Variants in ETF1 observed in about 807,000 individuals in gnomAD.
ETF1 encodes the protein eukaryotic peptide chain release factor subunit 1.
A neutral mutation model predicts 55.1 loss-of-function variants in ETF1; 4 were observed. That is an observed-to-expected ratio of 0.07 (90% CI 0.04 to 0.17). The LOEUF (loss-of-function observed/expected upper bound fraction) is 0.17. Among genes scored for constraint, ETF1 ranks in the 10% least tolerant of loss-of-function variants. ETF1 has a pLI of 1.00. For missense variants in ETF1, 142 were observed against 523.6 expected, an observed-to-expected ratio of 0.27 and a Z score of 7.11; for synonymous variants, 157 against 182.3, an observed-to-expected ratio of 0.86 and a Z score of 1.12.
In ETF1 at chr5:138,543,135, C is replaced by CCGGCGGCGGCT; in HGVS notation, c.-68_-58dup. Reference sequence around the variant, plus strand: ...CCTGGGCGGCAGCGGCTGCTCCTCCCCGGCGGCGGCTCCGCGGCGGCGGCG... The same window carrying CCGGCGGCGGCT: ...CCTGGGCGGCAGCGGCTGCTCCTCCCCGGCGGCGGCTCGGCGGCGGCTCCGCGGCGGCGGCG... On this transcript the variant is annotated 5_prime_UTR_variant, in exon 1 of 11. The change abolishes the stop of an existing upstream ORF in the 5' untranslated region. Transcript: ENST00000360541. 1.7e-6 allele frequency: 1 copy of CCGGCGGCGGCT among 581,918 alleles called. No individual in the cohort carries two copies. The highest frequency in any genetic ancestry group is 3.0e-5 in the East Asian group (1 of 33,136). 36.0% of individuals were successfully genotyped at this position (581,918 alleles called of 1,614,324 possible). A position where few individuals can be genotyped will look rare whatever the true frequency, so the allele number is the denominator to read the frequency against.
intron 5 of ETF1, 98 bp from the exon 6 acceptor site, chr5:138,513,052 G>A: frequency 4.3e-6 from 6 of 1,401,876 alleles, no homozygotes; most frequent in Non-Finnish European, 4.6e-6. Context: ...TCTAAGAAAA[G>A]GACAAAGAAA....
intron 7 of ETF1, 85 bp from the exon 8 acceptor site, chr5:138,511,285 A>T: frequency 6.4e-7 from 1 of 1,552,510 alleles, no homozygotes. Context: ...ATGACTAAAG[A>T]AGATAAAAAA....
chr5:138,525,940 G>GT (rs199776340), intron 2 of ETF1, among the ~76,000 whole-genome samples: 4 of 35,476 alleles, frequency 1.1e-4, no homozygotes, highest in Middle Eastern at 0.018. Flanking sequence ...GTGAGACTCT[G>GT]TTTAAAAAAA....
chr5:138,511,512 G>C lies in ETF1; in HGVS notation c.825C>G (p.Leu275=). 6.2e-7 allele frequency: 1 copy of C among 1,613,682 alleles called. No individual in the cohort carries two copies. Among genetic ancestry groups the C allele is most frequent in the African/African-American group, 1.3e-5 (1 of 74,980 alleles). The change falls in exon 7 of 11, where the codon CTC becomes CTG. Residue 275 remains leucine, a synonymous_variant. Coordinates refer to ENST00000360541, the MANE Select transcript of ETF1 (RefSeq NM_004730.4). ...TCTCTTGAATGAATTTCACGTTGGAGAGGACTTCAGTAGATAACTCAATAG... is the reference window on the plus strand; with the variant it reads ...TCTCTTGAATGAATTTCACGTTGGACAGGACTTCAGTAGATAACTCAATAG... ...NQAIELSTEV[L]SNVKFIQEKK...
At chr5:138,530,730 T>C (rs1042646454) in intron 2 of ETF1, among the ~76,000 whole-genome samples, 1 of 151,626 alleles carries the variant, frequency 6.6e-6, no homozygotes, top group Non-Finnish European at 1.5e-5. Flanking sequence ...CGCGCCACAA[T>C]GCCTGGCTAT....
chr5:138,508,840 A>C (rs1399993958), intron 9 of ETF1, 24 bp from the exon 10 acceptor site: 2 of 1,609,020 alleles, frequency 1.2e-6, no homozygotes, highest in Non-Finnish European at 1.7e-6. Context: ...CATGAGATAC[A>C]AAAATGGGGG....
At chr5:138,542,402 G>A (rs1163746746) in intron 2 of ETF1, among the ~76,000 whole-genome samples, 1 of 152,148 alleles carries the variant, frequency 6.6e-6, no homozygotes, top group Non-Finnish European at 1.5e-5. Context: ...AGAAGGGAGA[G>A]GCCATTTTAA....
intron 4 of ETF1, chr5:138,513,991 GT>G: frequency 3.6e-6 from 3 of 831,522 alleles, no homozygotes; most frequent in Non-Finnish European, 4.4e-6. Flanking sequence ...GTATGCCCAT[GT>G]TTATAGCAAT....
chr5:138,509,532 T>C (rs1354080982), intron 9 of ETF1, among the ~76,000 whole-genome samples: 1 of 151,908 alleles, frequency 6.6e-6, no homozygotes, highest in African/African-American at 2.4e-5. Context: ...AAAACCAATG[T>C]AGGAGGATCA....
intron 4 of ETF1, among the ~76,000 whole-genome samples, chr5:138,514,519 G>C (rs1004136246): frequency 6.6e-6 from 1 of 152,110 alleles, no homozygotes; most frequent in Non-Finnish European, 1.5e-5. Flanking sequence ...CTCCAGCCTG[G>C]GTGATCCAGA....
intron 3 of ETF1, 23 bp downstream of exon 3, chr5:138,518,668 GA>G: frequency 6.2e-7 from 1 of 1,601,460 alleles, no homozygotes; most frequent in Non-Finnish European, 8.5e-7. Flanking sequence ...TGTAGAGAAG[GA>G]AAAGGAGCAA....
chr5:138,515,625 A>C (rs991122041), intron 4 of ETF1, among the ~76,000 whole-genome samples: 2 of 152,246 alleles, frequency 1.3e-5, no homozygotes, highest in Admixed American at 1.3e-4. Flanking sequence ...AAAATGTACA[A>C]AGTTAGCAAG....
intron 2 of ETF1, chr5:138,541,478 T>C (rs1174865320): frequency 7.2e-7 from 1 of 1,390,516 alleles, no homozygotes; most frequent in South Asian, 1.2e-5. Context: ...CAAACAGAAC[T>C]GTCCCTAATT....
At chr5:138,527,960 C>T (rs906972839) in intron 2 of ETF1, among the ~76,000 whole-genome samples, 3 of 151,892 alleles carry the variant, frequency 2.0e-5, no homozygotes, top group Admixed American at 1.3e-4. Flanking sequence ...TTAGTAGAGA[C>T]GGGGTTTCTC....
At chr5:138,522,290 C>T (rs1470909950) in intron 2 of ETF1, among the ~76,000 whole-genome samples, 1 of 151,990 alleles carries the variant, frequency 6.6e-6, no homozygotes, top group African/African-American at 2.4e-5. Flanking sequence ...TATGTAAAAA[C>T]TCATAATTCA....
chr5:138,530,341 T>A (rs556392703), intron 2 of ETF1, among the ~76,000 whole-genome samples: 7 of 151,870 alleles, frequency 4.6e-5, no homozygotes, highest in African/African-American at 1.7e-4. Flanking sequence ...TGCAGTGGTG[T>A]GATCTCGGCT....
intron 2 of ETF1, among the ~76,000 whole-genome samples, chr5:138,521,017 C>T (rs552207852): frequency 5.9e-5 from 9 of 152,098 alleles, no homozygotes; most frequent in South Asian, 4.2e-4. Context: ...AGAGTGAGAG[C>T]GGGGACTTAC....
chr5:138,516,370 A>AC (rs1765017639), intron 4 of ETF1, among the ~76,000 whole-genome samples: 2 of 119,574 alleles, frequency 1.7e-5, no homozygotes, highest in Non-Finnish European at 4.0e-5. Context: ...ACAAAAATCA[A>AC]AACACACACA....
Position 138,511,204 on chromosome 5 carries a change from C to G in ETF1, c.863-4G>C, listed in dbSNP as rs759635512. 6.2e-7 allele frequency: 1 copy of G among 1,613,742 alleles called. No homozygotes were observed. The highest frequency in any genetic ancestry group is 8.5e-7 in the Non-Finnish European group (1 of 1,179,924). On this transcript the variant is annotated splice_region_variant and splice_polypyrimidine_tract_variant and intron_variant, in intron 7 of 10. Coordinates refer to ENST00000360541, the MANE Select transcript of ETF1 (RefSeq NM_004730.4). Reference sequence around the variant, plus strand: ...CTGATTTCATCAAAGTATCGTCCTACGATTAGGGATCAGTCAACAGGATAT... The same window carrying G: ...CTGATTTCATCAAAGTATCGTCCTAGGATTAGGGATCAGTCAACAGGATAT...
Sources: allele counts gnomAD v4.1 joint callset (sites outside exome capture counted in the v4.1 genomes callset), GRCh38; gene constraint gnomAD v4.1.1; transcripts MANE v1.5; gene names NCBI Gene and HGNC (gene_info 2026-07-23, HGNC 2026-07-21).